The following ESRRB variants were observed in gnomAD, a reference collection of about 807,000 sequenced individuals.
ESRRB encodes the protein steroid hormone receptor ERR2.
ESRRB carries 16 observed loss-of-function variants against 46.0 expected under a neutral mutation model. The ratio of observed to expected loss-of-function variants is 0.35; its 90% CI spans 0.24 to 0.53. ESRRB has a LOEUF of 0.53. ESRRB is among the 20% of genes least tolerant of loss of function. The pLI is 0.93. For synonymous variants in ESRRB, 246 were observed against 259.6 expected, an observed-to-expected ratio of 0.95 and a Z score of 0.50; for missense variants, 488 against 607.4, an observed-to-expected ratio of 0.80 and a Z score of 2.07.
chr14:76,338,972 G>A (rs1451696471), intron 1 of ESRRB, among the ~76,000 whole-genome samples: 2 of 152,246 alleles, frequency 1.3e-5, no homozygotes, highest in African/African-American at 4.8e-5. Flanking sequence ...AAAATAGCAT[G>A]CACCTCAAAG....
rs946907548 is a variant in ESRRB, at chr14:76,474,321, C to T, written c.578-7695C>T. Among the ~76,000 whole-genome samples, 3 of 152,276 alleles carry T rather than the reference C, an allele frequency of 2.0e-5. No individual in the cohort carries two copies. In the South Asian group the frequency reaches 6.2e-4, roughly 32 times the overall value. ...CTACTGTGTACCAAGCACTCTGTTA[C>T]GTTTCAATATTTTATGTTGTTAATT... On this transcript the variant is annotated intron_variant, in intron 3 of 6. Coordinates refer to ENST00000644823, the MANE Select transcript of ESRRB (RefSeq NM_001379180.1).
At chr14:76,323,503 C>A (rs906834179) in intron 1 of ESRRB, among the ~76,000 whole-genome samples, 6 of 151,876 alleles carry the variant, frequency 4.0e-5, no homozygotes, top group African/African-American at 1.2e-4. Context: ...AGAGACAGGT[C>A]ATCACTTTTT....
chr14:76,394,656 G>A (rs1056922367), intron 1 of ESRRB, among the ~76,000 whole-genome samples: 7 of 152,206 alleles, frequency 4.6e-5, no homozygotes, highest in African/African-American at 1.7e-4. Context: ...TTGGCCTCTT[G>A]ACCTTTACCC....
chr14:76,397,007 G>A (rs951476795), intron 1 of ESRRB, among the ~76,000 whole-genome samples: 5 of 152,184 alleles, frequency 3.3e-5, no homozygotes, highest in Admixed American at 2.6e-4. Flanking sequence ...CCAGCCGCCC[G>A]GGCACGGACT....
chr14:76,399,759 T>A (rs1487804659), intron 1 of ESRRB, among the ~76,000 whole-genome samples: 2 of 152,178 alleles, frequency 1.3e-5, no homozygotes, highest in African/African-American at 4.8e-5. Context: ...TGGGAAGAGA[T>A]GCCCAGGGTG....
intron 1 of ESRRB, among the ~76,000 whole-genome samples, chr14:76,330,140 G>A (rs1333817454): frequency 6.6e-6 from 1 of 152,190 alleles, no homozygotes; most frequent in South Asian, 2.1e-4. Context: ...ATTCCCCACC[G>A]CAGGCCAGGA....
intron 1 of ESRRB, among the ~76,000 whole-genome samples, chr14:76,333,924 C>G (rs1403698719): frequency 6.6e-6 from 1 of 151,988 alleles, no homozygotes; most frequent in African/African-American, 2.4e-5. Flanking sequence ...TCTGCAGCCA[C>G]TTGCTAGCTG....
Position 76,498,436 on chromosome 14 carries a change from A to G in ESRRB, c.1343A>G (p.Glu448Gly). 6.2e-7 allele frequency: 1 copy of G among 1,613,340 alleles called. No individual in the cohort carries two copies. Among genetic ancestry groups the G allele is most frequent in the East Asian group, 2.2e-5 (1 of 44,882 alleles). Residue 448 changes from glutamate (E) to glycine (G), a missense_variant, in exon 7 of 7, where the codon GAG becomes GGG. Transcript: ENST00000644823. ...GTGCCCATGCACAAACTCTTCCTGG[A>G]GATGCTGGAGGCCAAGGTGTGATGG... ...GKVPMHKLFL[E>G]MLEAKV
intron 1 of ESRRB, among the ~76,000 whole-genome samples, chr14:76,435,503 A>G (rs4427728): frequency 0.49 from 73,981 of 152,128 alleles, 20,871 homozygotes; most frequent in African/African-American, 0.79. Context: ...GACAGTTCCT[A>G]GAAAAGGCAT....
chr14:76,332,871 AT>A (rs1171401812), intron 1 of ESRRB, among the ~76,000 whole-genome samples: 1,099 of 11,950 alleles, frequency 0.092, 39 homozygotes, highest in East Asian at 0.22. Context: ...TATATAATAT[AT>A]TTTTTTATAT....
At chr14:76,319,454 A>G (rs987736556) in intron 1 of ESRRB, among the ~76,000 whole-genome samples, 10 of 152,262 alleles carry the variant, frequency 6.6e-5, no homozygotes, top group African/African-American at 2.4e-4. Context: ...ACGTGTGCAC[A>G]TTAGGAAGGA....
intron 6 of ESRRB, among the ~76,000 whole-genome samples, chr14:76,493,499 C>T (rs1312619451): frequency 1.3e-5 from 2 of 152,194 alleles, no homozygotes; most frequent in Non-Finnish European, 2.9e-5. Context: ...CAATAAAGCA[C>T]TCAGCCTGGT....
rs149598530 is a variant in ESRRB at position 76,358,405 on chromosome 14, A to T, written c.2+47489A>T. On this transcript the variant is annotated intron_variant, in intron 1 of 6. Transcript: ENST00000512784. ...AAAGAAAGAAAGAAAGAAAGAAAGAAAGAAAGAAAAGAAAAGAAAAAGAAA... is the reference window on the plus strand; with the variant it reads ...AAAGAAAGAAAGAAAGAAAGAAAGATAGAAAGAAAAGAAAAGAAAAAGAAA... 9.6e-3 allele frequency among the ~76,000 whole-genome samples: 1,355 copies of T among 140,472 alleles called. 36 individuals carry two copies. Among genetic ancestry groups the T allele is most frequent in the South Asian group, 0.031 (128 of 4,178 alleles). 92.2% of individuals were successfully genotyped at this position (140,472 alleles called of 152,430 possible).
rs1595118816 is a variant in ESRRB at position 76,439,347 on chromosome 14, G to A, written c.57G>A (p.Leu19=). 2.5e-6 allele frequency: 4 copies of A among 1,613,512 alleles called. No homozygotes were observed. The highest frequency in any genetic ancestry group is 2.2e-5 in the South Asian group (2 of 91,070). The part of the protein sequence containing the change: ...PDPLGYHNQL[L]NRMSSDDRHL... Reference sequence around the variant, plus strand: ...TCCCGATTTGTGTCCACAGGCTGCTGAACAGGATGTCCTCGGACGACAGGC... The same window carrying A: ...TCCCGATTTGTGTCCACAGGCTGCTAAACAGGATGTCCTCGGACGACAGGC... The change falls in exon 2 of 7, where the codon CTG becomes CTA. Residue 19 remains leucine (L), a synonymous_variant. Coordinates refer to ENST00000644823, the MANE Select transcript of ESRRB (RefSeq NM_001379180.1).
Position 76,447,911 on chromosome 14 carries a change from G to A in ESRRB, c.460+8161G>A, listed in dbSNP as rs77725105. ...CCAGCCTGAACACACATCTGACCAT[G>A]TCTCCCTTCTTTCTTGTGGGGAGAA... On this transcript the variant is annotated intron_variant, in intron 2 of 6. Coordinates refer to ENST00000644823, the MANE Select transcript of ESRRB (RefSeq NM_001379180.1). 3.7e-3 allele frequency among the ~76,000 whole-genome samples: 562 copies of A among 152,234 alleles called. 3 individuals are homozygous for A. Among genetic ancestry groups the A allele is most frequent in the African/African-American group, 0.013 (546 of 41,522 alleles).
intron 1 of ESRRB, among the ~76,000 whole-genome samples, chr14:76,356,998 C>G (rs1477125768): frequency 6.6e-6 from 1 of 152,212 alleles, no homozygotes; most frequent in African/African-American, 2.4e-5. Context: ...TGAACCCCCT[C>G]TCCTCCACAT....
chr14:76,354,075 C>T (rs73316308), intron 1 of ESRRB, among the ~76,000 whole-genome samples: 15,474 of 152,172 alleles, frequency 0.1, 1,685 homozygotes, highest in African/African-American at 0.27. Context: ...TGCTGCCTCC[C>T]TGCTGAGCTT....
rs775013193 is a variant in ESRRB at position 76,482,144 on chromosome 14, C to T, written c.688+18C>T. 6.4e-7 allele frequency: 1 copy of T among 1,573,838 alleles called. No individual in the cohort carries two copies. The highest frequency in any genetic ancestry group is 1.1e-5 in the South Asian group (1 of 90,214). On this transcript the variant is annotated intron_variant, in intron 4 of 6. Coordinates refer to ENST00000644823, the MANE Select transcript of ESRRB (RefSeq NM_001379180.1). The surrounding 1 kb of genome is among the most constrained non-coding windows in gnomAD (Gnocchi z 4.3). ...AAAGCCATGTGAGTGTCAGGGCAGT[C>T]CCTGCCCCTTTTGCCAGCATCTGTA...
intron 5 of ESRRB, 51 bp from the exon 6 acceptor site, chr14:76,491,396 T>C (rs1236685210): frequency 6.3e-7 from 1 of 1,589,910 alleles, no homozygotes. Flanking sequence ...GGGAGGCCCC[T>C]GGTCCGCCCT....
Sources: allele counts gnomAD v4.1 joint callset (sites outside exome capture counted in the v4.1 genomes callset), GRCh38; gene constraint gnomAD v4.1.1; non-coding constraint Gnocchi (gnomAD v3.1); transcripts MANE v1.5; gene names NCBI Gene and HGNC (gene_info 2026-07-23, HGNC 2026-07-21).